GLYR1: variants seen among roughly 807,000 people sequenced by gnomAD.
GLYR1 encodes cytokine-like nuclear factor N-PAC.
A neutral mutation model predicts 72.7 loss-of-function variants in GLYR1; 21 were observed. That is an observed-to-expected ratio of 0.29 (90% CI 0.20 to 0.42). The LOEUF (loss-of-function observed/expected upper bound fraction) is 0.42. GLYR1 is among the 10% of genes least tolerant of loss of function. The probability of loss-of-function intolerance (pLI) is 1.00; values close to 1 mark genes in which losing one functional copy is unlikely to be tolerated. For missense variants in GLYR1, 594 were observed against 712.1 expected (o/e 0.83, Z 1.89); for synonymous variants, 392 against 270.2 (o/e 1.45, Z -4.42).
rs187776412 is a variant in GLYR1, at chr16:4,823,536, T to G, written c.624+285A>C. ...AACTTGTGGAATCATCCCACTTTTG[T>G]GAAAAAGAACCCTGCCCAAAATAAA... On this transcript the variant is annotated intron_variant, in intron 6 of 15. Transcript: ENST00000321919. Among the ~76,000 whole-genome samples, 298 of 152,228 alleles carry G rather than the reference T, an allele frequency of 2.0e-3. 1 individual carries two copies. Among genetic ancestry groups the G allele is most frequent in the Non-Finnish European group, 3.4e-3 (229 of 68,022 alleles).
rs2083737053 is a variant in GLYR1 at position 4,817,696 on chromosome 16, T to A, written c.808A>T (p.Ile270Leu). 1 of 1,597,200 alleles carries A rather than the reference T, an allele frequency of 6.3e-7. No homozygotes were observed. The highest frequency in any genetic ancestry group is 8.6e-7 in the Non-Finnish European group (1 of 1,164,764). ...NGSITPTDKK[I>L]GFLGLGLMGS... is the part of the protein sequence containing the mutation. ...ATGAGACCAAGGCCCAAAAATCCTATCCTGAAACAGAGAGAGACTGATGAG... is the reference window on the plus strand; with the variant it reads ...ATGAGACCAAGGCCCAAAAATCCTAACCTGAAACAGAGAGAGACTGATGAG... The change falls in exon 10 of 16, where the codon ATA becomes TTA. Residue 270 changes from isoleucine (I) to leucine (L), a missense_variant and splice_region_variant. Around this residue, in one of 5 missense-constraint regions of GLYR1, gnomAD observed 266 missense variants for 358.4 expected, o/e 0.74. Coordinates refer to ENST00000321919, the MANE Select transcript of GLYR1 (RefSeq NM_032569.4).
intron 13 of GLYR1, 115 bp from the exon 14 acceptor site, chr16:4,811,917 G>A (rs1303194545): frequency 2.1e-6 from 3 of 1,413,452 alleles, no homozygotes; most frequent in African/African-American, 1.4e-5. Context: ...CCCTTCACCT[G>A]CCCCCGACAG....
intron 10 of GLYR1, among the ~76,000 whole-genome samples, chr16:4,815,055 A>G (rs1336241793): frequency 6.6e-6 from 1 of 151,854 alleles, no homozygotes. Flanking sequence ...TTGTTTCTCA[A>G]CACTGTTGTC....
At chr16:4,809,276 C>T (rs575654045) in intron 15 of GLYR1, among the ~76,000 whole-genome samples, 1 of 149,910 alleles carries the variant, frequency 6.7e-6, no homozygotes, top group Non-Finnish European at 1.5e-5. Context: ...TGCAACCTCC[C>T]GCCTCCCAGG....
At chr16:4,846,057 T>C in intron 2 of GLYR1, 117 bp downstream of exon 2, 1 of 1,084,928 alleles carries the variant, frequency 9.2e-7, no homozygotes, top group Non-Finnish European at 1.4e-6. Context: ...AAATTCTAAG[T>C]GCCATCTGAA....
chr16:4,828,837 G>T (rs2084599929), intron 5 of GLYR1, among the ~76,000 whole-genome samples: 1 of 152,008 alleles, frequency 6.6e-6, no homozygotes, highest in African/African-American at 2.4e-5. Context: ...TCAAACTCCA[G>T]GCCCTCGTCA....
At chr16:4,846,280 C>G in intron 1 of GLYR1, 70 bp from the exon 2 acceptor site, 1 of 1,513,758 alleles carries the variant, frequency 6.6e-7, no homozygotes, top group South Asian at 1.1e-5. Context: ...CCACTCAATA[C>G]GCAATTTATT....
intron 15 of GLYR1, 131 bp downstream of exon 15, chr16:4,811,039 A>C: frequency 4.5e-6 from 5 of 1,115,004 alleles, no homozygotes; most frequent in Non-Finnish European, 6.2e-6. Flanking sequence ...CAGGAGGCGG[A>C]GGTTGCATTG....
chr16:4,818,473 G>T (rs2083794051), intron 9 of GLYR1, among the ~76,000 whole-genome samples: 2 of 151,794 alleles, frequency 1.3e-5, no homozygotes, highest in South Asian at 4.1e-4. Context: ...TGTGGAGATG[G>T]GCTTTTGCCA....
At chr16:4,813,624 T>C (rs867338612) in intron 12 of GLYR1, 113 bp downstream of exon 12, 14 of 907,224 alleles carry the variant, frequency 1.5e-5, no homozygotes, top group Middle Eastern at 2.7e-4. Context: ...TCGCCTCTCC[T>C]CTTCCCTCTC....
chr16:4,809,519 G>C (rs1201883063), intron 15 of GLYR1, among the ~76,000 whole-genome samples: 1 of 151,140 alleles, frequency 6.6e-6, no homozygotes, highest in Non-Finnish European at 1.5e-5. Context: ...GGGTGAGGCA[G>C]GAGAATGGAG....
At chr16:4,846,954 C>T in intron 1 of GLYR1, 1 of 497,154 alleles carries the variant, frequency 2.0e-6, no homozygotes, top group Non-Finnish European at 3.5e-6. Context: ...GCTCCCTTCA[C>T]GGGGGCCGCC....
At chr16:4,838,246 T>C (rs886369903) in intron 3 of GLYR1, among the ~76,000 whole-genome samples, 1 of 152,052 alleles carries the variant, frequency 6.6e-6, no homozygotes, top group South Asian at 2.1e-4. Context: ...TAACCACATA[T>C]TCTTCTAGAG....
At position 4,823,824 on chromosome 16, in the gene GLYR1, G is replaced by T. The variant is rs201058165; in HGVS notation, c.621C>A (p.Ser207Arg). The T allele has an allele frequency of 1.2e-6, 2 of 1,612,392 alleles. No homozygotes were observed. The highest frequency in any genetic ancestry group is 2.7e-5 in the African/African-American group (2 of 74,496). Residue 207 changes from serine to arginine, a missense_variant, in exon 6 of 16, where the codon AGC becomes AGA. Coordinates refer to ENST00000321919, the MANE Select transcript of GLYR1 (RefSeq NM_032569.4). ...TGCCTGCAGGAGAGCTCCTTACCTC[G>T]CTTGCGGTTGGCTGCCATTTAAACG... ...MAAFKWQPTASEPVKDADPHF... is the reference protein window; with the variant it reads ...MAAFKWQPTAREPVKDADPHF...
intron 9 of GLYR1, among the ~76,000 whole-genome samples, chr16:4,818,697 T>G (rs2083809462): frequency 6.6e-6 from 1 of 152,150 alleles, no homozygotes; most frequent in East Asian, 1.9e-4. Context: ...CACCTCTCTT[T>G]CCCAACTTCA....
intron 5 of GLYR1, among the ~76,000 whole-genome samples, chr16:4,828,966 T>C (rs1484831260): frequency 2.0e-5 from 3 of 152,108 alleles, no homozygotes; most frequent in Non-Finnish European, 1.5e-5. Context: ...GGAAATAGCA[T>C]AAAATCTGAC....
chr16:4,814,183 T>A (rs2083486930), intron 11 of GLYR1, among the ~76,000 whole-genome samples: 1 of 152,180 alleles, frequency 6.6e-6, no homozygotes, highest in African/African-American at 2.4e-5. Context: ...CTACCACACT[T>A]GAACTTCTAA....
At chr16:4,821,510 G>C (rs754773151) in intron 8 of GLYR1, 37 bp downstream of exon 8, 8 of 1,613,682 alleles carry the variant, frequency 5.0e-6, no homozygotes, top group Non-Finnish European at 6.8e-6. Context: ...AAGGCCCCAG[G>C]TGAAAATTAA....
chr16:4,809,486 C>T (rs1429561577), intron 15 of GLYR1, among the ~76,000 whole-genome samples: 1 of 151,644 alleles, frequency 6.6e-6, no homozygotes, highest in Non-Finnish European at 1.5e-5. Context: ...GTGGCAGGCG[C>T]CTGCAGTCCC....
Sources: gnomAD v4.1 joint callset for allele counts (sites outside exome capture counted in the v4.1 genomes callset) on GRCh38, gnomAD v4.1.1 for gene constraint, gnomAD v4.1.1 regional missense constraint, MANE v1.5 for transcripts, NCBI Gene and HGNC (gene_info 2026-07-23, HGNC 2026-07-21) for gene names.